FBXL7: variants seen among roughly 807,000 people sequenced by gnomAD.
The protein encoded by FBXL7 is F-box/LRR-repeat protein 7.
A neutral mutation model predicts 38.3 loss-of-function variants in FBXL7; 12 were observed. The observed-to-expected ratio is 0.31, with a 90% confidence interval of 0.20 to 0.51. FBXL7 has a LOEUF of 0.51. FBXL7 is among the 20% of genes least tolerant of loss of function. The pLI is 0.98. For missense variants in FBXL7, 567 were observed against 676.4 expected, an observed-to-expected ratio of 0.84 and a Z score of 1.79; for synonymous variants, 297 against 300.9, an observed-to-expected ratio of 0.99 and a Z score of 0.13.
At chr5:15,766,043 T>TCTACCTACCTACCTACCTAC (rs140480289) in intron 2 of FBXL7, among the ~76,000 whole-genome samples, 1,888 of 147,248 alleles carry the variant, frequency 0.013, 21 homozygotes, top group Non-Finnish European at 0.018. Context: ...TGTCTGTCTA[T>TCTACCTACCTACCTACCTAC]CTACCTACCT....
Position 15,936,946 on chromosome 5 carries a change from C to T in FBXL7, c.1236C>T (p.Cys412=). ...TKLKSLDIGK[C]PLVSDTGLEC... ...TCAAATCCCTGGATATCGGCAAATG[C>T]CCTTTGGTATCCGACACGGGCCTGG... The change falls in exon 4 of 4, where the codon TGC becomes TGT. Residue 412 remains cysteine, a synonymous_variant. Coordinates refer to ENST00000504595, the MANE Select transcript of FBXL7 (RefSeq NM_012304.5). This position sits in a 1 kb window ranked among gnomAD's most constrained non-coding sequence, Gnocchi z 6.0. 1 of 1,614,050 alleles carries T rather than the reference C, an allele frequency of 6.2e-7. No individual in the cohort carries two copies. Among genetic ancestry groups the T allele is most frequent in the Non-Finnish European group, 8.5e-7 (1 of 1,179,902 alleles).
intron 2 of FBXL7, among the ~76,000 whole-genome samples, chr5:15,717,067 C>T (rs755911400): frequency 2.0e-5 from 3 of 152,060 alleles, no homozygotes; most frequent in African/African-American, 4.8e-5. Context: ...ATGACTTTAC[C>T]TAAACCATTC....
chr5:15,617,431 ATTTAT>A, intron 2 of FBXL7, among the ~76,000 whole-genome samples: 1 of 44,430 alleles, frequency 2.3e-5, no homozygotes, highest in Admixed American at 2.2e-4. Flanking sequence ...ACATTTATTT[ATTTAT>A]TTATTTATTT....
intron 2 of FBXL7, among the ~76,000 whole-genome samples, chr5:15,851,368 A>G (rs1018678993): frequency 6.6e-6 from 1 of 152,214 alleles, no homozygotes; most frequent in Non-Finnish European, 1.5e-5. Context: ...ATACAATAGC[A>G]TGTGCCTCAG....
At chr5:15,588,667 G>A (rs996979373) in intron 1 of FBXL7, among the ~76,000 whole-genome samples, 16 of 152,146 alleles carry the variant, frequency 1.1e-4, no homozygotes, top group Non-Finnish European at 2.2e-4. Flanking sequence ...GATTATAGGC[G>A]TGAGCCACCG....
intron 1 of FBXL7, among the ~76,000 whole-genome samples, chr5:15,512,584 C>G (rs1022472742): frequency 4.6e-5 from 7 of 152,124 alleles, no homozygotes; most frequent in African/African-American, 1.7e-4. Context: ...GGACATATGT[C>G]TTTTTCTGAG....
At chr5:15,779,544 T>C (rs1316852195) in intron 2 of FBXL7, among the ~76,000 whole-genome samples, 1 of 152,134 alleles carries the variant, frequency 6.6e-6, no homozygotes, top group Admixed American at 6.6e-5. Flanking sequence ...GTTATTATCT[T>C]GTCTCCAAGA....
At chr5:15,616,531 T>G (rs957120710) in intron 2 of FBXL7, among the ~76,000 whole-genome samples, 2 of 151,752 alleles carry the variant, frequency 1.3e-5, no homozygotes, top group African/African-American at 4.8e-5. Flanking sequence ...AATTTGGGAG[T>G]AGGAAAAAAG....
intron 2 of FBXL7, among the ~76,000 whole-genome samples, chr5:15,746,116 A>T (rs151166066): frequency 6.6e-6 from 1 of 152,286 alleles, no homozygotes; most frequent in Non-Finnish European, 1.5e-5. Flanking sequence ...GAATGATACT[A>T]GTCAAGAGTG....
In FBXL7 at chr5:15,904,682, A is replaced by T. The variant is rs377427817; in HGVS notation, c.128-23208A>T. On this transcript the variant is annotated intron_variant, in intron 2 of 3. Coordinates refer to ENST00000504595, the MANE Select transcript of FBXL7 (RefSeq NM_012304.5). ...ATGTTCCTAAATTTTTCCCTAAAAA[A>T]ATCTCTATTTCATATATATTTGGCT... Among the ~76,000 whole-genome samples the T allele has an allele frequency of 3.5e-3, 540 of 152,266 alleles. 1 individual carries two copies. The highest frequency in any genetic ancestry group is 0.012 in the African/African-American group (508 of 41,566).
Position 15,733,586 on chromosome 5 carries a change from A to G in FBXL7, c.127+117514A>G, listed in dbSNP as rs1735670700. Among the ~76,000 whole-genome samples the G allele has an allele frequency of 2.6e-5, 4 of 152,284 alleles. No individual in the cohort carries two copies. The South Asian group carries it at 8.3e-4, about 32-fold the overall frequency. ...ACTGAAACATAACTGTCCTAATACA[A>G]CCTGTAGGCCTATAAAAGGGGCAGA... is the stretch of plus-strand genomic sequence containing the variant. On this transcript the variant is annotated intron_variant, in intron 2 of 3. Coordinates refer to ENST00000504595, the MANE Select transcript of FBXL7 (RefSeq NM_012304.5).
At chr5:15,525,386 C>G (rs1737223444) in intron 1 of FBXL7, among the ~76,000 whole-genome samples, 1 of 152,144 alleles carries the variant, frequency 6.6e-6, no homozygotes, top group Admixed American at 6.5e-5. Flanking sequence ...AAATCCCTAA[C>G]AATGGTTTCG....
At chr5:15,628,139 A>G (rs1336545656) in intron 2 of FBXL7, among the ~76,000 whole-genome samples, 1 of 152,228 alleles carries the variant, frequency 6.6e-6, no homozygotes, top group Non-Finnish European at 1.5e-5. Context: ...TATATAACAA[A>G]GAAACTTTCT....
chr5:15,636,992 A>G (rs1741208086), intron 2 of FBXL7, among the ~76,000 whole-genome samples: 1 of 152,128 alleles, frequency 6.6e-6, no homozygotes, highest in Non-Finnish European at 1.5e-5. Context: ...TATCAAGTCT[A>G]TGAATGACAC....
At chr5:15,798,223 CTT>C in intron 2 of FBXL7, among the ~76,000 whole-genome samples, 1 of 152,296 alleles carries the variant, frequency 6.6e-6, no homozygotes, top group East Asian at 1.9e-4. Context: ...ACATATCTGT[CTT>C]GAAGCACACA....
intron 2 of FBXL7, among the ~76,000 whole-genome samples, chr5:15,829,688 G>T (rs541903280): frequency 2.4e-4 from 37 of 152,216 alleles, no homozygotes; most frequent in African/African-American, 7.9e-4. Context: ...ATATAAGTTT[G>T]CCTGTCCTCA....
chr5:15,882,523 G>C (rs546683517), intron 2 of FBXL7, among the ~76,000 whole-genome samples: 2 of 152,248 alleles, frequency 1.3e-5, no homozygotes, highest in East Asian at 1.9e-4. Context: ...CAATGACTAG[G>C]AATCAATCCA....
intron 2 of FBXL7, among the ~76,000 whole-genome samples, chr5:15,664,445 C>G (rs1297921732): frequency 6.8e-6 from 1 of 146,272 alleles, no homozygotes; most frequent in African/African-American, 2.5e-5. Context: ...TGAGAAGATT[C>G]AAATTTTCTC....
chr5:15,691,399 C>A (rs1430532516), intron 2 of FBXL7, among the ~76,000 whole-genome samples: 1 of 152,198 alleles, frequency 6.6e-6, no homozygotes, highest in Non-Finnish European at 1.5e-5. Context: ...CGAATGATGC[C>A]CATTCCGGTT....
Sources: allele counts gnomAD v4.1 joint callset (sites outside exome capture counted in the v4.1 genomes callset), GRCh38; gene constraint gnomAD v4.1.1; non-coding constraint Gnocchi (gnomAD v3.1); transcripts MANE v1.5; gene names NCBI Gene and HGNC (gene_info 2026-07-23, HGNC 2026-07-21).